Variants in KCNQ5 observed in about 807,000 individuals in gnomAD.
The protein encoded by KCNQ5 is potassium voltage-gated channel subfamily Q member 5.
In KCNQ5, 30 loss-of-function variants were observed where a neutral mutation model predicts 98.2. The observed-to-expected ratio is 0.31, with a 90% CI of 0.23 to 0.41. The LOEUF is 0.41. Among genes scored for constraint, KCNQ5 ranks in the 10% least tolerant of loss-of-function variants. KCNQ5 has a pLI of 1.00. For missense variants in KCNQ5, 835 were observed against 1,182.5 expected (o/e 0.71, Z 4.31); for synonymous variants, 458 against 449.4 (o/e 1.02, Z -0.24).
intron 1 of KCNQ5, among the ~76,000 whole-genome samples, chr6:72,706,789 A>G (rs58412450): frequency 0.13 from 19,546 of 152,152 alleles, 2,166 homozygotes; most frequent in African/African-American, 0.3. Flanking sequence ...AAAAAGAACA[A>G]AATAGTTTTC....
At chr6:72,831,384 G>A (rs914062065) in intron 1 of KCNQ5, among the ~76,000 whole-genome samples, 1 of 152,252 alleles carries the variant, frequency 6.6e-6, no homozygotes, top group Admixed American at 6.5e-5. Flanking sequence ...ATACACCATG[G>A]AATACTATGC....
rs557508996 is a variant in KCNQ5 at position 72,925,068 on chromosome 6, G to A, written c.399-78840G>A. ...TATGTTTATTTGATAATATGTAGCA[G>A]AAATAGATGGACCTACTGTTGAAAA... On this transcript the variant is annotated intron_variant, in intron 1 of 13. Transcript: ENST00000370398. 3.9e-5 allele frequency among the ~76,000 whole-genome samples: 6 copies of A among 152,248 alleles called. No homozygotes were observed. In the East Asian group the frequency reaches 1.2e-3, roughly 29 times the overall value.
intron 1 of KCNQ5, among the ~76,000 whole-genome samples, chr6:72,905,559 C>T (rs762694581): frequency 9.9e-5 from 15 of 152,088 alleles, no homozygotes; most frequent in Non-Finnish European, 1.0e-4. Context: ...TATTTTGTCC[C>T]GTGGGGTGTT....
chr6:73,179,102 A>G (rs1041965264), intron 11 of KCNQ5, among the ~76,000 whole-genome samples: 3 of 152,232 alleles, frequency 2.0e-5, no homozygotes, highest in Non-Finnish European at 4.4e-5. Flanking sequence ...ATGGAGAGTC[A>G]GAAATCAGAA....
At chr6:73,110,321 C>T (rs1325974430) in intron 6 of KCNQ5, among the ~76,000 whole-genome samples, 1 of 152,178 alleles carries the variant, frequency 6.6e-6, no homozygotes, top group African/African-American at 2.4e-5. Context: ...AGACAAAGCC[C>T]AGAGACTGAA....
At chr6:72,801,174 G>A (rs1436966275) in intron 1 of KCNQ5, among the ~76,000 whole-genome samples, 1 of 150,560 alleles carries the variant, frequency 6.6e-6, no homozygotes. Context: ...CAATTCCTGG[G>A]TATCCTTGTT....
intron 1 of KCNQ5, among the ~76,000 whole-genome samples, chr6:72,854,658 A>T (rs915333209): frequency 6.6e-6 from 1 of 150,732 alleles, no homozygotes; most frequent in Non-Finnish European, 1.5e-5. Flanking sequence ...TAATGTCAAA[A>T]CATGAAAAAA....
At chr6:72,905,635 T>C (rs2150199274) in intron 1 of KCNQ5, among the ~76,000 whole-genome samples, 1 of 152,268 alleles carries the variant, frequency 6.6e-6, no homozygotes, top group East Asian at 1.9e-4. Flanking sequence ...GCTGTAGTGA[T>C]TGTTATCTCT....
At chr6:72,783,006 G>A (rs539973217) in intron 1 of KCNQ5, among the ~76,000 whole-genome samples, 3 of 152,324 alleles carry the variant, frequency 2.0e-5, no homozygotes, top group Admixed American at 2.0e-4. Context: ...TAGTAGAGCA[G>A]TAGAAGCAGG....
intron 1 of KCNQ5, among the ~76,000 whole-genome samples, chr6:72,700,301 A>ATCTG (rs1768736078): frequency 1.4e-5 from 2 of 139,498 alleles, no homozygotes; most frequent in African/African-American, 5.1e-5. Flanking sequence ...ATATCTATCT[A>ATCTG]TCTATCTATC....
intron 3 of KCNQ5, among the ~76,000 whole-genome samples, chr6:73,058,228 C>T (rs573177219): frequency 7.0e-4 from 107 of 152,184 alleles, no homozygotes; most frequent in Middle Eastern, 3.4e-3. Flanking sequence ...CTGGCTAACA[C>T]GGTGAAACGC....
chr6:73,136,907 C>T (rs1291666970), intron 10 of KCNQ5: 2 of 152,142 alleles, frequency 1.3e-5, no homozygotes, highest in Admixed American at 1.3e-4. Context: ...GGTCTATTTG[C>T]CCATTCACTT....
rs147934898 is a variant in KCNQ5, at chr6:72,682,480, C to T, written c.398+59893C>T. ...TCCTTTGGCCCCACACTTATGTCTT[C>T]CTTGCTTCCTTTCATTCTGCTTTTC... On this transcript the variant is annotated intron_variant, in intron 1 of 13. Transcript: ENST00000370398. Among the ~76,000 whole-genome samples, 66 of 152,156 alleles carry T rather than the reference C, an allele frequency of 4.3e-4. 1 individual carries two copies. Among genetic ancestry groups the T allele is most frequent in the Admixed American group, 2.7e-3 (41 of 15,282 alleles).
At chr6:73,041,914 T>A (rs780686762) in intron 2 of KCNQ5, 22 bp from the exon 3 acceptor site, 1 of 1,613,600 alleles carries the variant, frequency 6.2e-7, no homozygotes, top group East Asian at 2.2e-5. Context: ...TTCTCTCTGA[T>A]ATGTCTTATC....
intron 1 of KCNQ5, among the ~76,000 whole-genome samples, chr6:72,946,204 CTA>C (rs1246225039): frequency 6.6e-6 from 1 of 152,162 alleles, no homozygotes; most frequent in African/African-American, 2.4e-5. Flanking sequence ...GAAAAACCAT[CTA>C]TATGTGTTCC....
At chr6:73,175,843 T>G (rs528006484) in intron 11 of KCNQ5, among the ~76,000 whole-genome samples, 31 of 150,702 alleles carry the variant, frequency 2.1e-4, no homozygotes, top group African/African-American at 6.8e-4. Flanking sequence ...GGCCAACCTA[T>G]ATCGGCACTT....
At chr6:73,008,778 A>T (rs970556007) in intron 2 of KCNQ5, among the ~76,000 whole-genome samples, 1 of 152,166 alleles carries the variant, frequency 6.6e-6, no homozygotes, top group Non-Finnish European at 1.5e-5. Context: ...ATAATACAGA[A>T]CACTGTACCC....
At chr6:72,946,306 T>C (rs947011742) in intron 1 of KCNQ5, among the ~76,000 whole-genome samples, 1 of 152,198 alleles carries the variant, frequency 6.6e-6, no homozygotes, top group African/African-American at 2.4e-5. Flanking sequence ...ACTTGATGAT[T>C]CTATTAAAAG....
chr6:73,072,063 T>G lies in KCNQ5; in HGVS notation c.617-5259T>G, dbSNP rs190952066. On this transcript the variant is annotated intron_variant, in intron 3 of 13. Coordinates refer to ENST00000370398, the MANE Select transcript of KCNQ5 (RefSeq NM_019842.4). Reference sequence around the variant, plus strand: ...AGGGGGATATAAACATCAAGAACATTGTATTTGTCGTACTTCTGATTGTCT... The same window carrying G: ...AGGGGGATATAAACATCAAGAACATGGTATTTGTCGTACTTCTGATTGTCT... Among the ~76,000 whole-genome samples the G allele has an allele frequency of 1.7e-4, 26 of 152,176 alleles. No homozygotes were observed. In the East Asian group the frequency reaches 5.0e-3, roughly 29 times the overall value.
Sources: allele counts gnomAD v4.1 joint callset (sites outside exome capture counted in the v4.1 genomes callset), GRCh38; gene constraint gnomAD v4.1.1; transcripts MANE v1.5; gene names NCBI Gene and HGNC (gene_info 2026-07-23, HGNC 2026-07-21).